Variants in PALD1 observed in about 807,000 individuals in gnomAD.
The protein encoded by PALD1 is phosphatase domain containing paladin 1.
A neutral mutation model predicts 96.0 loss-of-function variants in PALD1; 57 were observed. That is an observed-to-expected ratio of 0.59 (90% CI 0.48 to 0.74). PALD1 has a LOEUF of 0.74. Among genes scored for constraint, PALD1 ranks in the 30% least tolerant of loss-of-function variants. The probability of loss-of-function intolerance (pLI) is 0.00; values close to 1 mark genes in which losing one functional copy is unlikely to be tolerated. For missense variants in PALD1, 1,063 were observed against 1,143.7 expected, an observed-to-expected ratio of 0.93 and a Z score of 1.02; for synonymous variants, 464 against 473.6, an observed-to-expected ratio of 0.98 and a Z score of 0.26.
chr10:70,510,468 C>T (rs1196472911), intron 1 of PALD1, among the ~76,000 whole-genome samples: 1 of 152,192 alleles, frequency 6.6e-6, no homozygotes, highest in Non-Finnish European at 1.5e-5. Flanking sequence ...CCTATTCTCC[C>T]TGGGCCCCCC....
intron 1 of PALD1, among the ~76,000 whole-genome samples, chr10:70,509,529 A>G (rs548934591): frequency 6.6e-6 from 1 of 152,270 alleles, no homozygotes; most frequent in South Asian, 2.1e-4. Flanking sequence ...TGAGGCATGT[A>G]CTTAGGAAAC....
chr10:70,509,162 G>A (rs528806340), intron 1 of PALD1, among the ~76,000 whole-genome samples: 2 of 152,264 alleles, frequency 1.3e-5, no homozygotes, highest in Non-Finnish European at 2.9e-5. Flanking sequence ...TCTCCCCCTG[G>A]GTCCCACGTG....
At chr10:70,501,813 CTGTGTG>C (rs71012209) in intron 1 of PALD1, among the ~76,000 whole-genome samples, 3 of 139,178 alleles carry the variant, frequency 2.2e-5, no homozygotes, top group East Asian at 2.2e-4. Flanking sequence ...CATTTTTACT[CTGTGTG>C]TGTGTGTGTG....
rs1589207518 is a variant in PALD1 at position 70,538,424 on chromosome 10, A to C, written c.1452+16A>C. 1 of 1,608,650 alleles carries C rather than the reference A, an allele frequency of 6.2e-7. No homozygotes were observed. The highest frequency in any genetic ancestry group is 1.7e-4 in the Middle Eastern group (1 of 6,056). ...GGGCTCCCTAGTGAGTATGACTGGC[A>C]GTCGGAGAAGTGGGCATGGCTGTGT... On this transcript the variant is annotated intron_variant, in intron 12 of 19. Coordinates refer to ENST00000263563, the MANE Select transcript of PALD1 (RefSeq NM_014431.3).
intron 1 of PALD1, chr10:70,486,045 G>T: frequency 4.4e-6 from 1 of 225,060 alleles, no homozygotes; most frequent in Middle Eastern, 1.1e-3. Context: ...ATTTTTCTTG[G>T]CTTCATTCCA....
At chr10:70,508,343 A>G (rs886248808) in intron 1 of PALD1, among the ~76,000 whole-genome samples, 1 of 152,186 alleles carries the variant, frequency 6.6e-6, no homozygotes, top group Non-Finnish European at 1.5e-5. Context: ...TTATTTGCCA[A>G]GGCCTGTTGA....
rs530043470 is a variant in PALD1 at position 70,528,601 on chromosome 10, A to G, written c.186-628A>G. On this transcript the variant is annotated intron_variant, in intron 2 of 19. Transcript: ENST00000263563. Reference sequence around the variant, plus strand: ...TAGCAGTGTAGGGACTGTCCCTCCAATACAATCTGATGGAGGGACCATCCA... The same window carrying G: ...TAGCAGTGTAGGGACTGTCCCTCCAGTACAATCTGATGGAGGGACCATCCA... Among the ~76,000 whole-genome samples, 23 of 152,218 alleles carry G rather than the reference A, an allele frequency of 1.5e-4. No homozygotes were observed. In the South Asian group the frequency reaches 4.8e-3, roughly 32 times the overall value.
Position 70,547,443 on chromosome 10 carries a change from C to A in PALD1, c.2259C>A (p.Arg753=). The A allele has an allele frequency of 6.2e-7, 1 of 1,600,998 alleles. No individual in the cohort carries two copies. Among genetic ancestry groups the A allele is most frequent in the Non-Finnish European group, 8.5e-7 (1 of 1,174,460 alleles). The change falls in exon 18 of 20, where the codon CGC becomes CGA. Residue 753 remains arginine, a synonymous_variant. Coordinates refer to ENST00000263563, the MANE Select transcript of PALD1 (RefSeq NM_014431.3). ...GGGAGATCATCATCTGCACCTACCG[C>A]CAGGTGAGCCCCCACCCCACCCCAC... The part of the protein sequence containing the change: ...HLREIIICTY[R]QAKAAKEAQE...
chr10:70,560,466 T>A (rs1449250396), intron 18 of PALD1, among the ~76,000 whole-genome samples: 2 of 152,170 alleles, frequency 1.3e-5, no homozygotes, highest in Non-Finnish European at 2.9e-5. Context: ...ACAACCTTGC[T>A]GAACCTCATC....
chr10:70,478,654 T>A (rs985018896), upstream of PALD1, among the ~76,000 whole-genome samples: 3 of 151,976 alleles, frequency 2.0e-5, no homozygotes, highest in Admixed American at 1.3e-4. Context: ...GGGCTGCGGC[T>A]GGGCTGAGTG....
chr10:70,476,778 GAC>G (rs1195970906), upstream of PALD1, among the ~76,000 whole-genome samples: 1 of 152,134 alleles, frequency 6.6e-6, no homozygotes, highest in African/African-American at 2.4e-5. Context: ...TGGGCCAAAA[GAC>G]AGGTCAGGCA....
At chr10:70,555,850 A>C (rs1339036849) in intron 18 of PALD1, among the ~76,000 whole-genome samples, 1 of 152,050 alleles carries the variant, frequency 6.6e-6, no homozygotes, top group African/African-American at 2.4e-5. Context: ...AAATATAAAA[A>C]ATTAGCCGCG....
chr10:70,530,619 G>A (rs570444143), intron 4 of PALD1, among the ~76,000 whole-genome samples: 2 of 152,218 alleles, frequency 1.3e-5, no homozygotes, highest in East Asian at 1.9e-4. Flanking sequence ...AGGGTTTTGC[G>A]TGTCCCTAGG....
At chr10:70,475,937 CA>C (rs1051120904), upstream of PALD1, among the ~76,000 whole-genome samples, 2 of 152,234 alleles carry the variant, frequency 1.3e-5, no homozygotes, top group African/African-American at 4.8e-5. Context: ...CACATACACA[CA>C]TGCTCACTTA....
intron 17 of PALD1, among the ~76,000 whole-genome samples, chr10:70,544,217 G>A (rs1847314945): frequency 6.6e-6 from 1 of 152,190 alleles, no homozygotes; most frequent in African/African-American, 2.4e-5. Context: ...TGGGGAAGAT[G>A]AGTGAGTATC....
chr10:70,498,772 C>CA (rs1361469077), intron 1 of PALD1, among the ~76,000 whole-genome samples: 10 of 151,908 alleles, frequency 6.6e-5, no homozygotes, highest in South Asian at 2.1e-4. Flanking sequence ...ACTAAAAATA[C>CA]AAAAAATTAG....
chr10:70,494,549 G>A (rs1465264927), intron 1 of PALD1, among the ~76,000 whole-genome samples: 2 of 152,208 alleles, frequency 1.3e-5, no homozygotes, highest in Non-Finnish European at 2.9e-5. Context: ...CCTGACTCCA[G>A]AACAGTCACG....
At chr10:70,552,894 T>TC (rs1409689305) in intron 18 of PALD1, among the ~76,000 whole-genome samples, 1 of 152,126 alleles carries the variant, frequency 6.6e-6, no homozygotes, top group Non-Finnish European at 1.5e-5. Context: ...GTTCTCCTTT[T>TC]CCCCCCTGAA....
At chr10:70,473,891 AC>A (rs10609984), upstream of PALD1, among the ~76,000 whole-genome samples, 7,427 of 148,622 alleles carry the variant, frequency 0.05, 192 homozygotes, top group East Asian at 0.088. Flanking sequence ...CAGGTGATCC[AC>A]CCCCCCCCCC....
Sources: gnomAD v4.1 joint callset for allele counts (sites outside exome capture counted in the v4.1 genomes callset) on GRCh38, gnomAD v4.1.1 for gene constraint, MANE v1.5 for transcripts, NCBI Gene and HGNC (gene_info 2026-07-23, HGNC 2026-07-21) for gene names.